EHMT1: variants seen among roughly 807,000 people sequenced by gnomAD.
EHMT1 encodes histone-lysine N-methyltransferase EHMT1.
In EHMT1, 15 loss-of-function variants were observed where a neutral mutation model predicts 147.2. That is an observed-to-expected ratio of 0.10 (90% confidence interval 0.07 to 0.16). EHMT1 has a LOEUF of 0.16. Ranked by LOEUF, EHMT1 falls within the 10% of genes least tolerant of loss-of-function variation. The pLI, the probability that EHMT1 is intolerant of heterozygous loss-of-function variation, is 1.00. For synonymous variants in EHMT1, 795 were observed against 709.6 expected (o/e 1.12, Z -1.91); for missense variants, 1,587 against 1,772.4 (o/e 0.90, Z 1.88).
At chr9:137,646,740 C>T (rs946394943) in intron 1 of EHMT1, among the ~76,000 whole-genome samples, 69 of 152,330 alleles carry the variant, frequency 4.5e-4, no homozygotes, top group African/African-American at 1.4e-3. Flanking sequence ...AATCTTGTAA[C>T]GTTGGATGTC....
chr9:137,807,486 TTTA>T (rs1954047267), intron 18 of EHMT1, among the ~76,000 whole-genome samples: 1 of 127,532 alleles, frequency 7.8e-6, no homozygotes, highest in Non-Finnish European at 1.5e-5. Context: ...TACTTATTTA[TTTA>T]TTTATTTATT....
chr9:137,764,281 G>A (rs1288994872), intron 10 of EHMT1: 4 of 152,390 alleles, frequency 2.6e-5, no homozygotes, highest in Non-Finnish European at 5.9e-5. Flanking sequence ...CGACGTCTGC[G>A]TCAGCGCCTC....
At chr9:137,816,088 C>A (rs750723438) in intron 23 of EHMT1, 26 bp downstream of exon 23, 1 of 1,589,702 alleles carries the variant, frequency 6.3e-7, no homozygotes, top group East Asian at 2.3e-5. Flanking sequence ...CTGCCGGAGC[C>A]CCACATTCTG....
intron 25 of EHMT1, among the ~76,000 whole-genome samples, chr9:137,821,454 A>G (rs377281838): frequency 1.9e-3 from 282 of 151,030 alleles, no homozygotes; most frequent in South Asian, 5.7e-3. Flanking sequence ...TGACCTCCCA[A>G]GTAGGTAGGA....
At chr9:137,668,708 C>T (rs1386541739) in intron 1 of EHMT1, among the ~76,000 whole-genome samples, 1 of 149,686 alleles carries the variant, frequency 6.7e-6, no homozygotes, top group Admixed American at 6.7e-5. Flanking sequence ...TCGTGCCTGA[C>T]TTCTTTCACT....
At chr9:137,671,820 G>A (rs1377959437) in intron 1 of EHMT1, among the ~76,000 whole-genome samples, 2 of 152,186 alleles carry the variant, frequency 1.3e-5, no homozygotes, top group African/African-American at 4.8e-5. Context: ...CAGCCACTGT[G>A]CCTGGGCCTG....
intron 25 of EHMT1, among the ~76,000 whole-genome samples, chr9:137,822,440 C>T (rs551483297): frequency 3.3e-5 from 5 of 152,046 alleles, no homozygotes; most frequent in Non-Finnish European, 5.9e-5. Flanking sequence ...TAAAAGAAAC[C>T]GCTAGTTTTC....
chr9:137,817,935 A>G lies in EHMT1; in HGVS notation c.3462-125A>G, dbSNP rs10283760. The G allele has an allele frequency of 0.042, 39,287 of 932,698 alleles. 9,091 individuals carry two copies. In the African/African-American group the frequency reaches 0.53, roughly 13 times the overall value. 57.8% of individuals were successfully genotyped at this position (932,698 alleles called of 1,614,324 possible). A position where few individuals can be genotyped will look rare whatever the true frequency, so the allele number is the denominator to read the frequency against. On this transcript the variant is annotated intron_variant, in intron 24 of 26. Transcript: ENST00000460843. Reference sequence around the variant, plus strand: ...CAACCCTGGGCACACCTCTCTAAACATGTTCCCTGCATGTTCTTCTGGTGT... The same window carrying G: ...CAACCCTGGGCACACCTCTCTAAACGTGTTCCCTGCATGTTCTTCTGGTGT...
intron 6 of EHMT1, among the ~76,000 whole-genome samples, chr9:137,745,050 G>A (rs1223588358): frequency 6.6e-6 from 1 of 152,254 alleles, no homozygotes; most frequent in African/African-American, 2.4e-5. Flanking sequence ...TTGTTCGAGT[G>A]TGTCCAACCA....
intron 1 of EHMT1, among the ~76,000 whole-genome samples, chr9:137,654,287 G>A (rs572152908): frequency 3.3e-5 from 5 of 152,020 alleles, no homozygotes; most frequent in Non-Finnish European, 5.9e-5. Context: ...TCGCTTGGAC[G>A]TGGGAGATGG....
chr9:137,685,069 G>GT (rs1452941086), intron 1 of EHMT1, among the ~76,000 whole-genome samples: 5 of 151,914 alleles, frequency 3.3e-5, no homozygotes, highest in Non-Finnish European at 7.4e-5. Context: ...CCCCTTGCTG[G>GT]TTTTTTTATT....
chr9:137,779,022 T>C (rs1951175192), intron 13 of EHMT1, among the ~76,000 whole-genome samples: 1 of 152,156 alleles, frequency 6.6e-6, no homozygotes, highest in African/African-American at 2.4e-5. Flanking sequence ...GGGATGACAC[T>C]AAGCCATTCA....
intron 23 of EHMT1, 129 bp from the exon 24 acceptor site, chr9:137,817,310 C>T (rs1954996930): frequency 3.9e-6 from 4 of 1,035,458 alleles, no homozygotes; most frequent in South Asian, 2.7e-5. Context: ...CCTGCAGCAT[C>T]GAACGCTTCG....
At chr9:137,726,651 C>T (rs1564648268) in intron 3 of EHMT1, among the ~76,000 whole-genome samples, 1 of 152,220 alleles carries the variant, frequency 6.6e-6, no homozygotes, top group South Asian at 2.1e-4. Context: ...AGTGGAACTG[C>T]TGGATCACAT....
In EHMT1 at chr9:137,782,469, C is replaced by T. The variant is rs1951633999; in HGVS notation, c.2382+72C>T. ...TATTTTTACCAAAGTAAAATCATAC[C>T]ACGTTCGCGGTTCTTCCAGTGTAAG... On this transcript the variant is annotated intron_variant, in intron 15 of 26. Coordinates refer to ENST00000460843, the MANE Select transcript of EHMT1 (RefSeq NM_024757.5). This position sits in a 1 kb window ranked among gnomAD's most constrained non-coding sequence, Gnocchi z 5.7. 1.1e-5 allele frequency: 15 copies of T among 1,403,008 alleles called. No individual in the cohort carries two copies. The highest frequency in any genetic ancestry group is 1.5e-5 in the Non-Finnish European group (15 of 1,027,146). The allele number at this position is 1,403,008 out of a possible 1,614,324, so 86.9% of individuals were successfully genotyped here. A position where few individuals can be genotyped will look rare whatever the true frequency, so the allele number is the denominator to read the frequency against.
Position 137,763,271 on chromosome 9 carries a change from G to A in EHMT1, c.1647+451G>A, listed in dbSNP as rs576153217. On this transcript the variant is annotated intron_variant, in intron 10 of 26. Coordinates refer to ENST00000460843, the MANE Select transcript of EHMT1 (RefSeq NM_024757.5). Reference sequence around the variant, plus strand: ...GGGGATCACAGACTCAGAGGGTTCAGCACGTCCCGTCTCTGCTGCCTCTGG... The same window carrying A: ...GGGGATCACAGACTCAGAGGGTTCAACACGTCCCGTCTCTGCTGCCTCTGG... 4 of 303,536 alleles carry A rather than the reference G, an allele frequency of 1.3e-5. No individual in the cohort carries two copies. The South Asian group carries it at 1.6e-4, about 12-fold the overall frequency. 18.8% of individuals were successfully genotyped at this position (303,536 alleles called of 1,614,324 possible).
chr9:137,681,967 T>G (rs765571105), intron 1 of EHMT1, among the ~76,000 whole-genome samples: 72 of 152,258 alleles, frequency 4.7e-4, no homozygotes, highest in Non-Finnish European at 2.4e-4. Context: ...TTGTTTGTTT[T>G]TTTGAGGCAG....
intron 18 of EHMT1, among the ~76,000 whole-genome samples, chr9:137,803,557 A>G (rs1337596573): frequency 6.6e-6 from 1 of 152,160 alleles, no homozygotes; most frequent in African/African-American, 2.4e-5. Flanking sequence ...CTATCAGTGG[A>G]CATTAGGTTG....
chr9:137,662,784 A>G (rs1242013881), intron 1 of EHMT1, among the ~76,000 whole-genome samples: 1 of 139,940 alleles, frequency 7.1e-6, no homozygotes, highest in African/African-American at 2.8e-5. Context: ...AATTTTATTT[A>G]TTTATTTATT....
Sources: gnomAD v4.1 joint callset for allele counts (sites outside exome capture counted in the v4.1 genomes callset) on GRCh38, gnomAD v4.1.1 for gene constraint, Gnocchi (gnomAD v3.1) non-coding constraint, MANE v1.5 for transcripts, NCBI Gene and HGNC (gene_info 2026-07-23, HGNC 2026-07-21) for gene names.